The following C1orf87 variants were observed in gnomAD, a reference collection of about 807,000 sequenced individuals.
C1orf87 encodes uncharacterized protein C1orf87.
Under a neutral mutation model 60.5 loss-of-function variants are expected in C1orf87, and 58 were observed. The observed-to-expected ratio is 0.96, with a 90% CI of 0.78 to 1.19. The LOEUF (loss-of-function observed/expected upper bound fraction) is 1.19, where lower values mean the gene tolerates loss of function less well. C1orf87 is among the 50% of genes most tolerant of loss of function. C1orf87 has a pLI of 0.00. For missense variants in C1orf87, 673 were observed against 638.6 expected, an observed-to-expected ratio of 1.05 and a Z score of -0.58; for synonymous variants, 236 against 227.4, an observed-to-expected ratio of 1.04 and a Z score of -0.34.
chr1:60,019,261 C>T (rs1264717895), intron 8 of C1orf87, among the ~76,000 whole-genome samples: 1 of 152,212 alleles, frequency 6.6e-6, no homozygotes, highest in African/African-American at 2.4e-5. Flanking sequence ...CCCTCACTGT[C>T]TCTTCCTCTC....
chr1:60,041,425 G>T (rs189595720), intron 3 of C1orf87, among the ~76,000 whole-genome samples: 18 of 152,292 alleles, frequency 1.2e-4, no homozygotes, highest in African/African-American at 4.1e-4. Flanking sequence ...TAGAGCATAA[G>T]GTGTTTATAG....
At chr1:60,032,348 T>C (rs1026252595) in intron 7 of C1orf87, among the ~76,000 whole-genome samples, 1 of 151,842 alleles carries the variant, frequency 6.6e-6, no homozygotes, top group Non-Finnish European at 1.5e-5. Flanking sequence ...TCAGTTTCCA[T>C]AACTCTTCTG....
At chr1:60,070,761 T>C (rs561348749) in intron 2 of C1orf87, among the ~76,000 whole-genome samples, 1 of 152,342 alleles carries the variant, frequency 6.6e-6, no homozygotes, top group Admixed American at 6.5e-5. Context: ...TTTAATGTAC[T>C]CTTTTATTTC....
intron 11 of C1orf87, among the ~76,000 whole-genome samples, chr1:59,997,030 A>C (rs1335806133): frequency 6.6e-6 from 1 of 152,148 alleles, no homozygotes; most frequent in African/African-American, 2.4e-5. Flanking sequence ...TTGTGTTTGA[A>C]TTCAAACATA....
intron 3 of C1orf87, among the ~76,000 whole-genome samples, chr1:60,043,685 A>C (rs1293012701): frequency 6.6e-6 from 1 of 152,078 alleles, no homozygotes; most frequent in Non-Finnish European, 1.5e-5. Flanking sequence ...CACTCTTTAA[A>C]ATATTTGGCT....
intron 3 of C1orf87, among the ~76,000 whole-genome samples, chr1:60,048,963 G>T (rs972416158): frequency 3.3e-5 from 5 of 151,930 alleles, no homozygotes; most frequent in African/African-American, 1.2e-4. Context: ...ATGTACCTTA[G>T]TTTATTCAAA....
At position 59,997,751 on chromosome 1, in the gene C1orf87, A is replaced by G. The variant is rs775377435; in HGVS notation, c.1338T>C (p.Pro446=). 1.5e-5 allele frequency: 24 copies of G among 1,613,844 alleles called. No individual in the cohort carries two copies. The highest frequency in any genetic ancestry group is 1.9e-5 in the Non-Finnish European group (23 of 1,179,888). The change falls in exon 11 of 12, where the codon CCT becomes CCC. Residue 446 remains proline, a synonymous_variant. Transcript: ENST00000371201. ...SPAETSACKD[P]LKPLKIRPVS... ...CTGGCCTGATCTTTAAAGGTTTCAG[A>G]GGATCTTTGCAGGCTGAAGTTTCAG...
At chr1:60,047,920 C>T (rs1645384799) in intron 3 of C1orf87, among the ~76,000 whole-genome samples, 1 of 151,950 alleles carries the variant, frequency 6.6e-6, no homozygotes, top group Admixed American at 6.6e-5. Flanking sequence ...GTTTTAAAAT[C>T]ATTTACAATT....
At chr1:60,048,500 G>T (rs1160389594) in intron 3 of C1orf87, among the ~76,000 whole-genome samples, 1 of 152,134 alleles carries the variant, frequency 6.6e-6, no homozygotes, top group African/African-American at 2.4e-5. Flanking sequence ...AGGGCAATTT[G>T]TTGTATACCA....
At position 60,031,777 on chromosome 1, in the gene C1orf87, G is replaced by A. The variant is rs574958716; in HGVS notation, c.1029+1699C>T. On this transcript the variant is annotated intron_variant, in intron 7 of 11. Transcript: ENST00000371201. ...TCAAGTTGTTTATGTTTCATTCTAT[G>A]AGTATCATCTGAGAATATTCAAACT... is the stretch of plus-strand genomic sequence containing the variant. 9.9e-4 allele frequency among the ~76,000 whole-genome samples: 150 copies of A among 152,250 alleles called. No homozygotes were observed. In the Middle Eastern group the frequency reaches 0.014, roughly 14 times the overall value.
At chr1:59,996,760 G>A (rs1644965944) in intron 11 of C1orf87, among the ~76,000 whole-genome samples, 1 of 152,100 alleles carries the variant, frequency 6.6e-6, no homozygotes, top group Non-Finnish European at 1.5e-5. Flanking sequence ...TTCTCTGAAT[G>A]CCCACAGAGC....
At chr1:60,021,168 G>A (rs761007021) in intron 8 of C1orf87, among the ~76,000 whole-genome samples, 2 of 152,150 alleles carry the variant, frequency 1.3e-5, no homozygotes, top group Non-Finnish European at 2.9e-5. Flanking sequence ...ACAGAACTGT[G>A]AGTCAATTAA....
intron 6 of C1orf87, among the ~76,000 whole-genome samples, chr1:60,034,243 T>C (rs752497792): frequency 1.1e-4 from 16 of 152,180 alleles, no homozygotes; most frequent in Admixed American, 2.0e-4. Context: ...AGTATTAAGG[T>C]GGTCTGTCTA....
chr1:60,020,632 G>A (rs181574291), intron 8 of C1orf87, among the ~76,000 whole-genome samples: 1 of 152,318 alleles, frequency 6.6e-6, no homozygotes, highest in East Asian at 1.9e-4. Flanking sequence ...TGGAATGGGA[G>A]CATTTACCCA....
intron 2 of C1orf87, among the ~76,000 whole-genome samples, chr1:60,068,541 C>A (rs1362183199): frequency 1.3e-5 from 2 of 152,258 alleles, no homozygotes; most frequent in Admixed American, 6.5e-5. Flanking sequence ...ATCTCAACAC[C>A]ATCCAGTCTA....
chr1:60,027,296 T>C (rs943118927), intron 7 of C1orf87, among the ~76,000 whole-genome samples: 1 of 152,218 alleles, frequency 6.6e-6, no homozygotes, highest in African/African-American at 2.4e-5. Context: ...TTCCCTGCTC[T>C]AACCACCCTG....
chr1:60,072,720 C>T, intron 1 of C1orf87, 50 bp from the exon 2 acceptor site: 1 of 922,212 alleles, frequency 1.1e-6, no homozygotes, highest in Non-Finnish European at 1.7e-6. Context: ...CATTAGGGAA[C>T]TGCATCATCC....
chr1:60,035,388 C>T (rs1041625539), intron 6 of C1orf87, among the ~76,000 whole-genome samples: 15 of 152,178 alleles, frequency 9.9e-5, no homozygotes, highest in African/African-American at 3.6e-4. Flanking sequence ...CTTAGAAGGC[C>T]TGTTGCAGAA....
chr1:60,053,222 A>AG (rs1195456842), intron 3 of C1orf87, among the ~76,000 whole-genome samples: 1 of 152,224 alleles, frequency 6.6e-6, no homozygotes, highest in Non-Finnish European at 1.5e-5. Flanking sequence ...AGTGCCCATA[A>AG]GGCGTTTGTT....
Sources: gnomAD v4.1 joint callset for allele counts (sites outside exome capture counted in the v4.1 genomes callset) on GRCh38, gnomAD v4.1.1 for gene constraint, MANE v1.5 for transcripts, NCBI Gene and HGNC (gene_info 2026-07-23, HGNC 2026-07-21) for gene names.